COPA: variants seen among roughly 807,000 people sequenced by gnomAD.
COPA encodes the protein coat protein complex I subunit alpha.
Under a neutral mutation model 158.7 loss-of-function variants are expected in COPA, and 10 were observed. The ratio of observed to expected loss-of-function variants is 0.06; its 90% CI spans 0.04 to 0.11. COPA has a LOEUF of 0.11. Among genes scored for constraint, COPA ranks in the 10% least tolerant of loss-of-function variants. The probability of loss-of-function intolerance (pLI) is 1.00; values close to 1 mark genes in which losing one functional copy is unlikely to be tolerated. For missense variants in COPA, 1,065 were observed against 1,536.7 expected (o/e 0.69, Z 5.13); for synonymous variants, 462 against 542.8 (o/e 0.85, Z 2.07).
chr1:160,312,927 G>A lies in COPA; in HGVS notation c.925+158C>T, dbSNP rs547774182. Among the ~76,000 whole-genome samples the A allele has an allele frequency of 3.3e-5, 5 of 151,794 alleles. No individual in the cohort carries two copies. The East Asian group carries it at 9.7e-4, about 29-fold the overall frequency. On this transcript the variant is annotated intron_variant, in intron 10 of 32. Transcript: ENST00000241704. ...CATCATTTTACGTACATATAAAGTGGAAGAAAAAAAGGAGAAAAGCTTCAA... is the reference window on the plus strand; with the variant it reads ...CATCATTTTACGTACATATAAAGTGAAAGAAAAAAAGGAGAAAAGCTTCAA...
At chr1:160,314,803 G>A (rs534430426) in intron 8 of COPA, among the ~76,000 whole-genome samples, 1 of 152,070 alleles carries the variant, frequency 6.6e-6, no homozygotes, top group Non-Finnish European at 1.5e-5. Flanking sequence ...TCAGACAGGG[G>A]CCTTATCTGT....
At chr1:160,333,525 G>T in intron 5 of COPA, 78 bp downstream of exon 5, 2 of 1,010,552 alleles carry the variant, frequency 2.0e-6, no homozygotes, top group Non-Finnish European at 3.0e-6. Context: ...GAAGGGAGAA[G>T]ATTGTTCTAA....
chr1:160,310,229 G>A lies in COPA; in HGVS notation c.1106C>T (p.Ser369Leu). The change falls in exon 12 of 33, where the codon TCA (serine) becomes TTA (leucine). Residue 369 changes from serine to leucine, a missense_variant. Ser to Leu is a moderately radical substitution (Grantham distance 145). This residue lies in a region of COPA where 980 missense variants were observed against 1,357.8 expected (regional missense o/e 0.72). Transcript: ENST00000241704. ...SGSKFPVFNM[S>L]YNPAENAVLL... is the part of the protein sequence containing the mutation. ...GACTGCATTTTCTGCTGGATTGTAT[G>A]ACATATTGAATACTGGAAACTTGGA... is the stretch of plus-strand genomic sequence containing the variant. 6.2e-7 allele frequency: 1 copy of A among 1,604,980 alleles called. No individual in the cohort carries two copies. The highest frequency in any genetic ancestry group is 1.3e-5 in the African/African-American group (1 of 74,506).
At chr1:160,291,069 G>A (rs1159835639) in intron 31 of COPA, among the ~76,000 whole-genome samples, 1 of 152,176 alleles carries the variant, frequency 6.6e-6, no homozygotes, top group Non-Finnish European at 1.5e-5. Flanking sequence ...GGAGCTTAAG[G>A]ACAGGACTGG....
Position 160,323,527 on chromosome 1 carries a change from G to T in COPA, c.610C>A (p.His204Asn). The T allele has an allele frequency of 6.2e-7, 1 of 1,607,364 alleles. No homozygotes were observed. Among genetic ancestry groups the T allele is most frequent in the South Asian group, 1.1e-5 (1 of 89,932 alleles). ...GCAGCCCAGTTTACTCCACGATCGT[G>T]ACCCTGTAGAAAAGAGTGGTTCTTC... ...DAVVKHVLEG[H>N]DRGVNWAAFH... The change falls in exon 8 of 33, where the codon CAC (histidine) becomes AAC (asparagine). Residue 204 changes from histidine to asparagine, a missense_variant. Transcript: ENST00000241704.
intron 13 of COPA, among the ~76,000 whole-genome samples, chr1:160,307,689 C>T (rs1359145698): frequency 6.6e-6 from 1 of 152,228 alleles, no homozygotes; most frequent in African/African-American, 2.4e-5. Context: ...AGGCAGAGCA[C>T]TCCCAACTAA....
Position 160,343,237 on chromosome 1 carries a change from TC to T in COPA, c.-68del. ...CACACCCTGCTGCCCTTCGGACGCC[TC>T]CACGTCAGCGACCCTCTCCCGCGGT... On this transcript the variant is annotated 5_prime_UTR_variant, in exon 1 of 33. Transcript: ENST00000241704. 1.2e-6 allele frequency: 2 copies of T among 1,604,860 alleles called. No individual in the cohort carries two copies. The highest frequency in any genetic ancestry group is 1.7e-6 in the Non-Finnish European group (2 of 1,171,626).
At chr1:160,333,499 G>A (rs147391419) in intron 5 of COPA, 104 bp downstream of exon 5, 51 of 772,784 alleles carry the variant, frequency 6.6e-5, no homozygotes, top group African/African-American at 3.0e-4. Context: ...TTAATCAGCC[G>A]ACATAGTCCA....
intron 15 of COPA, 75 bp from the exon 16 acceptor site, chr1:160,305,848 A>G: frequency 8.4e-7 from 1 of 1,194,876 alleles, no homozygotes; most frequent in Non-Finnish European, 1.2e-6. Context: ...CATCAATTGC[A>G]CCCTCTAATT....
chr1:160,339,688 G>T, intron 3 of COPA: 1 of 476,764 alleles, frequency 2.1e-6, no homozygotes, highest in South Asian at 3.0e-5. Flanking sequence ...CTTGAAAACA[G>T]AAGCCATTTC....
At chr1:160,323,945 T>C (rs1557872000) in intron 7 of COPA, among the ~76,000 whole-genome samples, 1 of 151,994 alleles carries the variant, frequency 6.6e-6, no homozygotes, top group Non-Finnish European at 1.5e-5. Context: ...CACTGCAACC[T>C]CTGCCTCCCG....
intron 13 of COPA, 24 bp downstream of exon 13, chr1:160,309,077 G>A (rs781749823): frequency 6.3e-7 from 1 of 1,586,616 alleles, no homozygotes; most frequent in South Asian, 1.1e-5. Flanking sequence ...GAAGCAGAGT[G>A]GGGTAGACAA....
intron 6 of COPA, among the ~76,000 whole-genome samples, 167 bp from the exon 7 acceptor site, chr1:160,325,819 T>C (rs778823910): frequency 7.2e-5 from 11 of 152,202 alleles, no homozygotes; most frequent in Admixed American, 5.2e-4. Context: ...ATGTTCAAAA[T>C]ATTGAAGTAC....
chr1:160,325,000 C>T (rs1304103533), intron 7 of COPA, among the ~76,000 whole-genome samples: 1 of 151,452 alleles, frequency 6.6e-6, no homozygotes, highest in Non-Finnish European at 1.5e-5. Context: ...AAATTCAAAT[C>T]TTATTTCTTA....
At chr1:160,325,450 A>G (rs1659459824) in intron 7 of COPA, 93 bp downstream of exon 7, 1 of 1,078,234 alleles carries the variant, frequency 9.3e-7, no homozygotes, top group South Asian at 1.3e-5. Flanking sequence ...GCACTCTGTA[A>G]ATATTTGTTG....
intron 8 of COPA, among the ~76,000 whole-genome samples, chr1:160,316,766 G>T (rs560589155): frequency 2.6e-4 from 38 of 147,338 alleles, no homozygotes; most frequent in African/African-American, 8.2e-4. Context: ...AAAAAAAAAA[G>T]AATGATTGGT....
chr1:160,310,357 C>T, intron 11 of COPA, 99 bp from the exon 12 acceptor site: 2 of 573,472 alleles, frequency 3.5e-6, no homozygotes, highest in Non-Finnish European at 6.1e-6. Context: ...CCAATCTTTA[C>T]ACTATATACT....
chr1:160,291,309 A>G (rs368098667), intron 31 of COPA, 26 bp downstream of exon 31: 3 of 1,612,146 alleles, frequency 1.9e-6, no homozygotes, highest in Admixed American at 3.3e-5. Flanking sequence ...TGGCTTCCCT[A>G]TGGTCACTGA....
chr1:160,319,716 C>A (rs1012390561), intron 8 of COPA, among the ~76,000 whole-genome samples: 1 of 151,288 alleles, frequency 6.6e-6, no homozygotes, highest in Non-Finnish European at 1.5e-5. Context: ...AAATCAATAA[C>A]AAGAGGAACC....
Sources: allele counts gnomAD v4.1 joint callset (sites outside exome capture counted in the v4.1 genomes callset), GRCh38; gene constraint gnomAD v4.1.1; regional missense constraint gnomAD v4.1.1; transcripts MANE v1.5; gene names NCBI Gene and HGNC (gene_info 2026-07-23, HGNC 2026-07-21).